Variants in AGBL4 observed in about 807,000 individuals in gnomAD.
The protein encoded by AGBL4 is AGBL carboxypeptidase 4.
A neutral mutation model predicts 66.4 loss-of-function variants in AGBL4; 58 were observed. The ratio of observed to expected loss-of-function variants is 0.87; its 90% CI spans 0.71 to 1.09. AGBL4 has a LOEUF of 1.09. Ranked by LOEUF, AGBL4 falls within the 50% of genes least tolerant of loss-of-function variation. The pLI is 0.00. For missense variants in AGBL4, 579 were observed against 631.0 expected (o/e 0.92, Z 0.88); for synonymous variants, 234 against 222.9 (o/e 1.05, Z -0.44).
intron 3 of AGBL4, among the ~76,000 whole-genome samples, chr1:49,617,718 T>A (rs897168202): frequency 2.0e-5 from 3 of 152,230 alleles, no homozygotes; most frequent in African/African-American, 7.2e-5. Flanking sequence ...TTTGTCTTCA[T>A]TCACTTTATA....
chr1:48,528,756 A>T (rs1198264078), downstream of AGBL4, among the ~76,000 whole-genome samples: 1 of 152,182 alleles, frequency 6.6e-6, no homozygotes, highest in Admixed American at 6.5e-5. Context: ...TTCAGCTGGC[A>T]GAGAAGATCT....
intron 2 of AGBL4, among the ~76,000 whole-genome samples, chr1:49,805,657 T>G (rs896009055): frequency 2.6e-5 from 4 of 152,210 alleles, no homozygotes; most frequent in Admixed American, 2.0e-4. Flanking sequence ...ATTCATACAT[T>G]AAAACCTAAT....
At chr1:48,848,500 T>C (rs757886460) in intron 6 of AGBL4, among the ~76,000 whole-genome samples, 16 of 152,218 alleles carry the variant, frequency 1.1e-4, no homozygotes, top group Non-Finnish European at 2.1e-4. Context: ...TATGAATGCA[T>C]TTGACCTTTT....
chr1:48,713,548 T>C (rs1298197790), intron 6 of AGBL4, among the ~76,000 whole-genome samples: 1 of 152,102 alleles, frequency 6.6e-6, no homozygotes, highest in African/African-American at 2.4e-5. Context: ...GTGAGTTCTG[T>C]GAGGGCAGTT....
intron 6 of AGBL4, among the ~76,000 whole-genome samples, chr1:48,789,294 A>ATAT (rs1370135281): frequency 1.5e-5 from 2 of 131,946 alleles, no homozygotes; most frequent in African/African-American, 5.6e-5. Context: ...ATATATATAT[A>ATAT]TTTTTTTTTT....
chr1:49,437,025 G>A (rs190498091), intron 3 of AGBL4, among the ~76,000 whole-genome samples: 1 of 152,150 alleles, frequency 6.6e-6, no homozygotes, highest in African/African-American at 2.4e-5. Context: ...AAGCCATTAG[G>A]TGGAGCAGTA....
intron 2 of AGBL4, among the ~76,000 whole-genome samples, chr1:49,838,420 G>A (rs1173435786): frequency 2.0e-5 from 3 of 152,258 alleles, no homozygotes; most frequent in Admixed American, 6.5e-5. Context: ...AGTTGACAAC[G>A]AAGCCTGGGA....
chr1:48,739,227 C>T (rs1253568771), intron 6 of AGBL4, among the ~76,000 whole-genome samples: 8 of 152,218 alleles, frequency 5.3e-5, no homozygotes, highest in Admixed American at 5.2e-4. Context: ...CCAGTCCTTG[C>T]TCCCTTCAAC....
chr1:49,882,351 G>T (rs1003345746), intron 1 of AGBL4, among the ~76,000 whole-genome samples: 1 of 151,084 alleles, frequency 6.6e-6, no homozygotes, highest in Non-Finnish European at 1.5e-5. Flanking sequence ...TTTTGGCTTA[G>T]GATTGACTTG....
chr1:49,188,889 A>G (rs1448836085), intron 4 of AGBL4, among the ~76,000 whole-genome samples: 1 of 152,194 alleles, frequency 6.6e-6, no homozygotes, highest in Non-Finnish European at 1.5e-5. Flanking sequence ...AAAGAGTAAA[A>G]TCAGAAAGAA....
intron 6 of AGBL4, among the ~76,000 whole-genome samples, chr1:48,711,948 C>T (rs907617708): frequency 1.3e-5 from 2 of 152,184 alleles, no homozygotes; most frequent in African/African-American, 2.4e-5. Flanking sequence ...CACAGCAACC[C>T]AAGGCTCTTG....
chr1:48,560,297 G>A (rs1404604565), intron 11 of AGBL4, among the ~76,000 whole-genome samples: 1 of 152,150 alleles, frequency 6.6e-6, no homozygotes, highest in African/African-American at 2.4e-5. Flanking sequence ...GTTCAAACTA[G>A]TACTTGAGCA....
chr1:49,294,858 C>T (rs1185381601), intron 3 of AGBL4, among the ~76,000 whole-genome samples: 1 of 152,184 alleles, frequency 6.6e-6, no homozygotes, highest in Non-Finnish European at 1.5e-5. Flanking sequence ...CCTGTGCATT[C>T]TATCACAGCA....
At position 49,402,963 on chromosome 1, in the gene AGBL4, C is replaced by T. The variant is rs895181947; in HGVS notation, c.283-157099G>A. 3.3e-5 allele frequency among the ~76,000 whole-genome samples: 5 copies of T among 152,158 alleles called. No homozygotes were observed. The East Asian group carries it at 9.6e-4, about 29-fold the overall frequency. On this transcript the variant is annotated intron_variant, in intron 3 of 13. Transcript: ENST00000371839. Reference sequence around the variant, plus strand: ...GCTGAGGAAACGAATGTGTATTCTGCCATCATTAAATGAAATGCTTCATAA... The same window carrying T: ...GCTGAGGAAACGAATGTGTATTCTGTCATCATTAAATGAAATGCTTCATAA...
chr1:49,625,365 A>G (rs1275635178), intron 3 of AGBL4, among the ~76,000 whole-genome samples: 1 of 152,052 alleles, frequency 6.6e-6, no homozygotes, highest in Non-Finnish European at 1.5e-5. Flanking sequence ...CTTCTCTTCC[A>G]TTTTCTGTTG....
intron 2 of AGBL4, among the ~76,000 whole-genome samples, chr1:49,712,935 T>C (rs1444989841): frequency 6.6e-6 from 1 of 151,978 alleles, no homozygotes; most frequent in African/African-American, 2.4e-5. Flanking sequence ...AGTAGTGTCC[T>C]AAGCACAGAA....
chr1:49,495,594 G>A, intron 3 of AGBL4, among the ~76,000 whole-genome samples: 1 of 150,986 alleles, frequency 6.6e-6, no homozygotes, highest in East Asian at 1.9e-4. Flanking sequence ...ATTTTGATTA[G>A]TGATAAAGTA....
intron 3 of AGBL4, among the ~76,000 whole-genome samples, chr1:49,299,414 C>A (rs753416311): frequency 9.2e-5 from 14 of 152,276 alleles, no homozygotes; most frequent in African/African-American, 2.9e-4. Context: ...AAATTAGCTA[C>A]CTCTCTTCTT....
intron 2 of AGBL4, among the ~76,000 whole-genome samples, chr1:49,776,084 TGAGTAATA>T (rs1401151905): frequency 6.6e-6 from 1 of 152,230 alleles, no homozygotes; most frequent in African/African-American, 2.4e-5. Context: ...ATGACAATGC[TGAGTAATA>T]GAGTATACGT....
Sources: gnomAD v4.1 joint callset for allele counts (sites outside exome capture counted in the v4.1 genomes callset) on GRCh38, gnomAD v4.1.1 for gene constraint, MANE v1.5 for transcripts, NCBI Gene and HGNC (gene_info 2026-07-23, HGNC 2026-07-21) for gene names.